SVEP1: variants seen among roughly 807,000 people sequenced by gnomAD.
SVEP1 encodes the protein sushi, von Willebrand factor type A, EGF and pentraxin domain-containing protein 1.
Under a neutral mutation model 367.3 loss-of-function variants are expected in SVEP1, and 164 were observed. That is an observed-to-expected ratio of 0.45 (90% CI 0.39 to 0.51). SVEP1 has a LOEUF of 0.51. SVEP1 is among the 20% of genes least tolerant of loss of function. The pLI is 0.00. For missense variants in SVEP1, 4,117 were observed against 4,425.3 expected (o/e 0.93, Z 1.98); for synonymous variants, 1,666 against 1,611.6 (o/e 1.03, Z -0.81).
chr9:110,514,249 C>G (rs574624195), intron 3 of SVEP1, 143 bp from the exon 4 acceptor site: 5 of 1,060,616 alleles, frequency 4.7e-6, no homozygotes, highest in Non-Finnish European at 6.9e-6. Context: ...TGGTGGCTCA[C>G]GCCTGTAATC....
intron 39 of SVEP1, among the ~76,000 whole-genome samples, chr9:110,404,026 T>C (rs898456851): frequency 2.6e-5 from 4 of 152,102 alleles, no homozygotes; most frequent in African/African-American, 7.2e-5. Flanking sequence ...GCATAGCCCA[T>C]GGCTGATTTC....
intron 12 of SVEP1, among the ~76,000 whole-genome samples, chr9:110,480,734 C>T (rs967026876): frequency 2.6e-5 from 4 of 151,998 alleles, no homozygotes; most frequent in African/African-American, 7.2e-5. Flanking sequence ...AGGGCTCAAG[C>T]GACTTTCCCA....
intron 3 of SVEP1, among the ~76,000 whole-genome samples, chr9:110,533,281 C>T (rs1057027340): frequency 9.9e-5 from 15 of 152,214 alleles, no homozygotes; most frequent in African/African-American, 2.7e-4. Context: ...GCACTTACTA[C>T]ATGCCTGGCC....
intron 40 of SVEP1, among the ~76,000 whole-genome samples, chr9:110,395,755 A>G (rs1827748477): frequency 1.3e-5 from 2 of 151,696 alleles, no homozygotes; most frequent in South Asian, 4.2e-4. Context: ...AGAGACAAAG[A>G]AGGCCATTAC....
At chr9:110,373,375 C>A (rs12002723) in intron 46 of SVEP1, among the ~76,000 whole-genome samples, 2 of 152,138 alleles carry the variant, frequency 1.3e-5, no homozygotes, top group Non-Finnish European at 2.9e-5. Context: ...TGTAACAGTA[C>A]TTTTCAGTCT....
chr9:110,473,266 A>T (rs375324277), intron 14 of SVEP1, among the ~76,000 whole-genome samples: 7 of 152,144 alleles, frequency 4.6e-5, no homozygotes, highest in Non-Finnish European at 2.9e-5. Context: ...TTACTTAAAC[A>T]TTTTCTCCAC....
At chr9:110,559,530 T>TA (rs1830397826) in intron 1 of SVEP1, among the ~76,000 whole-genome samples, 1 of 152,098 alleles carries the variant, frequency 6.6e-6, no homozygotes, top group South Asian at 2.1e-4. Flanking sequence ...TGTTTTTTTT[T>TA]AACTTCTCAA....
chr9:110,405,546 T>C (rs769544529), intron 38 of SVEP1, among the ~76,000 whole-genome samples: 1 of 151,724 alleles, frequency 6.6e-6, no homozygotes, highest in Non-Finnish European at 1.5e-5. Flanking sequence ...ATATGTATTA[T>C]GAATACCTAC....
intron 18 of SVEP1, among the ~76,000 whole-genome samples, chr9:110,463,399 T>C (rs1197732285): frequency 1.3e-5 from 2 of 152,130 alleles, no homozygotes; most frequent in African/African-American, 4.8e-5. Flanking sequence ...TAATATACTT[T>C]GTGATACTTA....
chr9:110,565,574 T>C (rs1236891373), intron 1 of SVEP1, among the ~76,000 whole-genome samples: 2 of 152,202 alleles, frequency 1.3e-5, no homozygotes, highest in African/African-American at 4.8e-5. Context: ...CAGGAGATGC[T>C]AGCTGATATG....
Position 110,435,374 on chromosome 9 carries a change from T to C in SVEP1, c.4765-10A>G. 2 of 1,612,500 alleles carry C rather than the reference T, an allele frequency of 1.2e-6. No individual in the cohort carries two copies. Among genetic ancestry groups the C allele is most frequent in the South Asian group, 2.2e-5 (2 of 90,934 alleles). Reference sequence around the variant, plus strand: ...TAGCCAGTGACTTCACCTGAAAGTTTAATAACACTTTAGATAAGCCTTACT... The same window carrying C: ...TAGCCAGTGACTTCACCTGAAAGTTCAATAACACTTTAGATAAGCCTTACT... On this transcript the variant is annotated splice_polypyrimidine_tract_variant and intron_variant, in intron 28 of 47. Coordinates refer to ENST00000374469, the MANE Select transcript of SVEP1 (RefSeq NM_153366.4).
At chr9:110,527,134 T>A (rs781629519) in intron 3 of SVEP1, among the ~76,000 whole-genome samples, 2 of 152,076 alleles carry the variant, frequency 1.3e-5, no homozygotes, top group African/African-American at 4.8e-5. Context: ...GATGTCAATA[T>A]CCTGTTTGAG....
At chr9:110,509,188 G>A (rs1273603551) in intron 5 of SVEP1, among the ~76,000 whole-genome samples, 1 of 152,162 alleles carries the variant, frequency 6.6e-6, no homozygotes, top group Non-Finnish European at 1.5e-5. Context: ...AGGGTTTGCT[G>A]CAACTGATTT....
At position 110,477,340 on chromosome 9, in the gene SVEP1, C is replaced by T. The variant is rs1588072330; in HGVS notation, c.2488-1025G>A. Among the ~76,000 whole-genome samples, 6 of 152,156 alleles carry T rather than the reference C, an allele frequency of 3.9e-5. No homozygotes were observed. In the South Asian group the frequency reaches 1.2e-3, roughly 32 times the overall value. On this transcript the variant is annotated intron_variant, in intron 13 of 47. Transcript: ENST00000374469. ...TCACCATGGAATGTCTCCTCCCTTG[C>T]ATGCCTCTTCCTCAATTTGTTTGCC...
intron 3 of SVEP1, among the ~76,000 whole-genome samples, chr9:110,519,992 T>C (rs1046924992): frequency 6.6e-6 from 1 of 152,178 alleles, no homozygotes; most frequent in African/African-American, 2.4e-5. Flanking sequence ...AAATCCTCCA[T>C]ATGAATGGTC....
At chr9:110,560,592 G>A (rs1288447982) in intron 1 of SVEP1, among the ~76,000 whole-genome samples, 2 of 152,102 alleles carry the variant, frequency 1.3e-5, no homozygotes, top group African/African-American at 4.8e-5. Context: ...TGAAGTTCCA[G>A]TGGCCCAGTA....
chr9:110,412,852 C>T (rs113963827), intron 36 of SVEP1, among the ~76,000 whole-genome samples: 136 of 152,280 alleles, frequency 8.9e-4, no homozygotes, highest in African/African-American at 3.0e-3. Context: ...TACCATCTCA[C>T]GGCAGTTAGA....
At chr9:110,391,207 T>C (rs1292292615) in intron 40 of SVEP1, among the ~76,000 whole-genome samples, 1 of 152,150 alleles carries the variant, frequency 6.6e-6, no homozygotes, top group East Asian at 1.9e-4. Context: ...GACTAGTTTA[T>C]GTTTCTGTGA....
chr9:110,470,338 AT>A (rs1828996911), intron 16 of SVEP1, among the ~76,000 whole-genome samples: 1 of 152,072 alleles, frequency 6.6e-6, no homozygotes, highest in African/African-American at 2.4e-5. Flanking sequence ...AAAATGGTTA[AT>A]TTTATGTTAC....
Sources: gnomAD v4.1 joint callset for allele counts (sites outside exome capture counted in the v4.1 genomes callset) on GRCh38, gnomAD v4.1.1 for gene constraint, MANE v1.5 for transcripts, NCBI Gene and HGNC (gene_info 2026-07-23, HGNC 2026-07-21) for gene names.